LRP1B: variants seen among roughly 807,000 people sequenced by gnomAD.
The protein encoded by LRP1B is LDL receptor related protein 1B.
A neutral mutation model predicts 556.6 loss-of-function variants in LRP1B; 217 were observed. The ratio of observed to expected loss-of-function variants is 0.39; its 90% CI spans 0.35 to 0.44. The LOEUF (loss-of-function observed/expected upper bound fraction) is 0.44, where lower values mean the gene tolerates loss of function less well. LRP1B is among the 20% of genes least tolerant of loss of function. The pLI is 1.00. For synonymous variants in LRP1B, 2,047 were observed against 1,865.8 expected (o/e 1.10, Z -2.50); for missense variants, 5,053 against 5,620.8 (o/e 0.90, Z 3.23).
chr2:142,014,234 C>T (rs1215524568), intron 1 of LRP1B, among the ~76,000 whole-genome samples: 2 of 148,052 alleles, frequency 1.4e-5, no homozygotes, highest in Non-Finnish European at 2.9e-5. Flanking sequence ...TCCTTTCTTG[C>T]ACGAGATCGA....
chr2:140,962,077 A>G (rs1290740170), intron 18 of LRP1B, among the ~76,000 whole-genome samples: 2 of 152,236 alleles, frequency 1.3e-5, no homozygotes, highest in African/African-American at 4.8e-5. Context: ...TTTTAAAAAT[A>G]GCAATAGAAA....
rs1444297834 is a variant in LRP1B, at chr2:140,618,655, C to T, written c.6800-17016G>A. Among the ~76,000 whole-genome samples the T allele has an allele frequency of 2.6e-5, 4 of 152,016 alleles. No homozygotes were observed. In the East Asian group the frequency reaches 7.7e-4, roughly 29 times the overall value. ...TCTGTTCATATTCAGGACAGAAGAA[C>T]TTAGGACATACAAGCAGTTTATTTT... On this transcript the variant is annotated intron_variant, in intron 41 of 90. Coordinates refer to ENST00000389484, the MANE Select transcript of LRP1B (RefSeq NM_018557.3).
At chr2:141,865,621 A>G (rs1366977119) in intron 1 of LRP1B, among the ~76,000 whole-genome samples, 1 of 149,224 alleles carries the variant, frequency 6.7e-6, no homozygotes, top group Non-Finnish European at 1.5e-5. Context: ...AAAAAAAAAG[A>G]AAAAAAGACA....
intron 24 of LRP1B, among the ~76,000 whole-genome samples, chr2:140,885,101 A>G (rs1230315057): frequency 6.6e-6 from 1 of 152,192 alleles, no homozygotes; most frequent in Non-Finnish European, 1.5e-5. Context: ...TTTTTGTTAG[A>G]CATATTAACA....
intron 1 of LRP1B, among the ~76,000 whole-genome samples, chr2:141,921,803 G>A (rs899577039): frequency 4.6e-5 from 7 of 151,670 alleles, no homozygotes; most frequent in African/African-American, 1.7e-4. Flanking sequence ...AAAAATCTTG[G>A]CATCATAAAG....
intron 41 of LRP1B, among the ~76,000 whole-genome samples, chr2:140,661,658 T>A (rs1326550131): frequency 3.3e-5 from 5 of 152,012 alleles, no homozygotes; most frequent in African/African-American, 1.2e-4. Context: ...CAGAGCAAGA[T>A]CCAGTCTCAA....
At chr2:141,050,343 T>A (rs765721285) in intron 10 of LRP1B, among the ~76,000 whole-genome samples, 11 of 152,094 alleles carry the variant, frequency 7.2e-5, no homozygotes, top group South Asian at 4.2e-4. Context: ...TTTTTAAAAA[T>A]TTTACTTTAA....
intron 22 of LRP1B, among the ~76,000 whole-genome samples, chr2:140,905,581 G>A (rs1013389032): frequency 3.3e-5 from 5 of 152,060 alleles, no homozygotes; most frequent in Non-Finnish European, 7.3e-5. Flanking sequence ...ACTCTTACTT[G>A]CTGCCACTGC....
intron 89 of LRP1B, among the ~76,000 whole-genome samples, chr2:140,236,260 C>T (rs988823453): frequency 2.1e-4 from 31 of 150,964 alleles, no homozygotes; most frequent in Admixed American, 1.7e-3. Flanking sequence ...TATTCAGATT[C>T]TTCAGGAACA....
intron 35 of LRP1B, among the ~76,000 whole-genome samples, chr2:140,729,681 A>G (rs533192166): frequency 2.4e-4 from 36 of 152,200 alleles, no homozygotes; most frequent in Non-Finnish European, 3.8e-4. Context: ...CAAAGACTCA[A>G]TCACCCTCTT....
Position 140,717,593 on chromosome 2 carries a change from G to T in LRP1B, c.5759-777C>A, listed in dbSNP as rs1465222897. 3.9e-5 allele frequency among the ~76,000 whole-genome samples: 6 copies of T among 152,054 alleles called. No homozygotes were observed. In the South Asian group the frequency reaches 1.0e-3, roughly 26 times the overall value. Reference sequence around the variant, plus strand: ...ATATGCATAAAGGGTAGTAATTACAGGCCAATGATTTTAAACACAGCCACC... The same window carrying T: ...ATATGCATAAAGGGTAGTAATTACATGCCAATGATTTTAAACACAGCCACC... On this transcript the variant is annotated intron_variant, in intron 35 of 90. Transcript: ENST00000389484.
intron 3 of LRP1B, among the ~76,000 whole-genome samples, chr2:141,425,793 T>A (rs945541205): frequency 6.6e-5 from 10 of 151,942 alleles, no homozygotes; most frequent in Non-Finnish European, 1.3e-4. Flanking sequence ...TAAATTTGTT[T>A]GAGTTCATTG....
In LRP1B at chr2:140,857,251, T is replaced by C. The variant is rs76143464; in HGVS notation, c.4580-5468A>G. Among the ~76,000 whole-genome samples the C allele has an allele frequency of 0.034, 5,196 of 152,290 alleles. 530 individuals carry two copies. In the East Asian group the frequency reaches 0.37, roughly 11 times the overall value. ...TCAAAGCAGAATGCCAGGATCCAATTTGTTAGGTAGAGAAAGATTTTTCTC... is the reference window on the plus strand; with the variant it reads ...TCAAAGCAGAATGCCAGGATCCAATCTGTTAGGTAGAGAAAGATTTTTCTC... On this transcript the variant is annotated intron_variant, in intron 27 of 90. Coordinates refer to ENST00000389484, the MANE Select transcript of LRP1B (RefSeq NM_018557.3).
At chr2:141,634,954 C>T (rs1055102051) in intron 2 of LRP1B, among the ~76,000 whole-genome samples, 3 of 151,486 alleles carry the variant, frequency 2.0e-5, no homozygotes, top group Admixed American at 6.6e-5. Flanking sequence ...TTTTATTATA[C>T]TGACAGTTGA....
chr2:140,298,319 T>TAC (rs70985086), intron 83 of LRP1B, among the ~76,000 whole-genome samples: 4 of 151,560 alleles, frequency 2.6e-5, no homozygotes, highest in African/African-American at 9.7e-5. Context: ...ATTCTACTCA[T>TAC]GTGATAATAC....
At chr2:140,988,462 G>C (rs564091064) in intron 17 of LRP1B, among the ~76,000 whole-genome samples, 2 of 152,052 alleles carry the variant, frequency 1.3e-5, no homozygotes, top group Admixed American at 1.3e-4. Flanking sequence ...ACATAGACTA[G>C]GACTCTGGAA....
At chr2:140,292,285 T>C (rs1250935869) in intron 84 of LRP1B, among the ~76,000 whole-genome samples, 2 of 152,198 alleles carry the variant, frequency 1.3e-5, no homozygotes, top group African/African-American at 2.4e-5. Context: ...CATATTCACA[T>C]ATTAGATAAA....
chr2:140,759,680 G>A (rs76160229), intron 35 of LRP1B, among the ~76,000 whole-genome samples: 3,636 of 152,248 alleles, frequency 0.024, 59 homozygotes, highest in Middle Eastern at 0.051. Flanking sequence ...TGTGGCCAAG[G>A]AACTCTGGAG....
intron 1 of LRP1B, 30 bp from the exon 2 acceptor site, chr2:141,810,431 A>G (rs764050790): frequency 3.7e-6 from 6 of 1,609,682 alleles, no homozygotes. Context: ...GAAATAAAAT[A>G]TGAATGATCT....
Sources: allele counts gnomAD v4.1 joint callset (sites outside exome capture counted in the v4.1 genomes callset), GRCh38; gene constraint gnomAD v4.1.1; transcripts MANE v1.5; gene names NCBI Gene and HGNC (gene_info 2026-07-23, HGNC 2026-07-21).